Variants in CDH17 observed in about 807,000 individuals in gnomAD.
CDH17 encodes cadherin-17.
CDH17 carries 67 observed loss-of-function variants against 86.3 expected under a neutral mutation model. That is an observed-to-expected ratio of 0.78 (90% CI 0.64 to 0.95). The LOEUF (loss-of-function observed/expected upper bound fraction) is 0.95, where lower values mean the gene tolerates loss of function less well. Ranked by LOEUF, CDH17 falls within the 40% of genes least tolerant of loss-of-function variation. The pLI is 0.00. For missense variants in CDH17, 993 were observed against 1,017.6 expected (o/e 0.98, Z 0.33); for synonymous variants, 367 against 366.4 (o/e 1.00, Z -0.02).
chr8:94,173,674 T>A, intron 7 of CDH17, 123 bp downstream of exon 7: 1 of 786,706 alleles, frequency 1.3e-6, no homozygotes, highest in South Asian at 1.6e-5. Context: ...ATAATTTGCT[T>A]TATAATCATG....
At chr8:94,168,106 AT>A (rs1253826474) in intron 9 of CDH17, among the ~76,000 whole-genome samples, 1 of 7,482 alleles carries the variant, frequency 1.3e-4, no homozygotes, top group African/African-American at 3.9e-4. Flanking sequence ...GAATATATAT[AT>A]ATATATATAT....
At chr8:94,137,145 T>A (rs2446811) in intron 15 of CDH17, among the ~76,000 whole-genome samples, 1 of 152,074 alleles carries the variant, frequency 6.6e-6, no homozygotes, top group Admixed American at 6.5e-5. Flanking sequence ...AGGTGAAATG[T>A]CATGCTGGGA....
In CDH17 at chr8:94,171,725, T is replaced by C. The variant is rs970629099; in HGVS notation, c.784-740A>G. 6.6e-5 allele frequency among the ~76,000 whole-genome samples: 10 copies of C among 152,300 alleles called. No homozygotes were observed. The East Asian group carries it at 1.2e-3, about 18-fold the overall frequency. On this transcript the variant is annotated intron_variant, in intron 7 of 17. Coordinates refer to ENST00000027335, the MANE Select transcript of CDH17 (RefSeq NM_004063.4). The stretch of plus-strand genomic sequence containing the variant: ...TCCTCTGACGTACAGACTACTGTTA[T>C]CTCTATTTTATAATGAAGAAACTAG...
At chr8:94,204,038 C>T (rs2086511) in intron 1 of CDH17, among the ~76,000 whole-genome samples, 21,820 of 152,038 alleles carry the variant, frequency 0.14, 1,776 homozygotes, top group Non-Finnish European at 0.17. Context: ...CTAAATGGTC[C>T]CCTGGAGAAC....
chr8:94,142,939 T>C (rs1249368982), intron 15 of CDH17, among the ~76,000 whole-genome samples: 2 of 152,036 alleles, frequency 1.3e-5, no homozygotes, highest in East Asian at 1.9e-4. Flanking sequence ...TCCATGAGGG[T>C]TGGAATCAAT....
intron 14 of CDH17, among the ~76,000 whole-genome samples, 193 bp downstream of exon 14, chr8:94,148,551 A>G (rs1318004298): frequency 2.9e-5 from 4 of 139,762 alleles, no homozygotes; most frequent in African/African-American, 1.2e-4. Context: ...CAAAAAAAAA[A>G]AAAAAAAAAA....
rs1812335803 is a variant in CDH17, at chr8:94,128,075, A to G, written c.*165T>C. On this transcript the variant is annotated 3_prime_UTR_variant, in exon 18 of 18. Transcript: ENST00000027335. ...ACCACTGTACTCCAGCCTGGGCGACAGAGCAAGACTCCACCTCAAAAAAGA... is the reference window on the plus strand; with the variant it reads ...ACCACTGTACTCCAGCCTGGGCGACGGAGCAAGACTCCACCTCAAAAAAGA... The G allele has an allele frequency of 3.5e-6, 2 of 578,836 alleles. No individual in the cohort carries two copies. Among genetic ancestry groups the G allele is most frequent in the Non-Finnish European group, 6.1e-6 (2 of 327,624 alleles). 35.9% of individuals were successfully genotyped at this position (578,836 alleles called of 1,614,324 possible).
intron 15 of CDH17, among the ~76,000 whole-genome samples, chr8:94,140,289 G>A (rs113713654): frequency 0.024 from 3,455 of 144,374 alleles, 123 homozygotes; most frequent in African/African-American, 0.08. Context: ...AATTAGCCAA[G>A]TGTGGTAGCT....
At chr8:94,201,422 G>A (rs1314635354) in intron 1 of CDH17, among the ~76,000 whole-genome samples, 3 of 152,172 alleles carry the variant, frequency 2.0e-5, no homozygotes, top group Admixed American at 1.3e-4. Flanking sequence ...TTGTTAGAGT[G>A]GGCTCTAATC....
At chr8:94,187,267 C>T (rs967814358) in intron 3 of CDH17, among the ~76,000 whole-genome samples, 3 of 152,298 alleles carry the variant, frequency 2.0e-5, no homozygotes, top group Middle Eastern at 3.4e-3. Flanking sequence ...AAAAATCAGT[C>T]ACTCTTTCTT....
At chr8:94,197,843 A>G (rs200823102) in intron 1 of CDH17, among the ~76,000 whole-genome samples, 4,289 of 150,450 alleles carry the variant, frequency 0.029, 177 homozygotes, top group African/African-American at 0.085. Flanking sequence ...AAAAAAAAAA[A>G]AAAAAGAAAA....
rs148714244 is a variant in CDH17 at position 94,146,079 on chromosome 8, C to A, written c.2016G>T (p.Thr672=). ...DNPPRLAKDY[T]GLFFCHPLSA... is the part of the protein sequence containing the mutation. ...TGAGGGGATGGCAGAAGAACAAGCC[C>A]GTGTAGTCCTTGGCTAGCCTGGGAG... is the stretch of plus-strand genomic sequence containing the variant. Residue 672 remains threonine (T), a synonymous_variant, in exon 15 of 18, where the codon ACG becomes ACT. Coordinates refer to ENST00000027335, the MANE Select transcript of CDH17 (RefSeq NM_004063.4). 2 of 1,613,466 alleles carry A rather than the reference C, an allele frequency of 1.2e-6. No individual in the cohort carries two copies. Among genetic ancestry groups the A allele is most frequent in the East Asian group, 4.5e-5 (2 of 44,824 alleles).
intron 11 of CDH17, 114 bp downstream of exon 11, chr8:94,161,972 G>T (rs1027230605): frequency 1.2e-4 from 81 of 669,964 alleles, no homozygotes; most frequent in African/African-American, 7.8e-4. Flanking sequence ...ACTGACCAAG[G>T]TTACCTGTTA....
chr8:94,128,636 G>A (rs536947721), intron 17 of CDH17, among the ~76,000 whole-genome samples: 2 of 152,296 alleles, frequency 1.3e-5, no homozygotes, highest in South Asian at 4.2e-4. Context: ...ACACTATGGA[G>A]TGTATATGTC....
chr8:94,184,318 A>G (rs1322952281), intron 3 of CDH17, among the ~76,000 whole-genome samples: 1 of 152,162 alleles, frequency 6.6e-6, no homozygotes, highest in Non-Finnish European at 1.5e-5. Flanking sequence ...CCATAAATGA[A>G]AAAAAATGTC....
chr8:94,145,823 G>C (rs1222927911), intron 15 of CDH17, 105 bp downstream of exon 15: 9 of 1,232,388 alleles, frequency 7.3e-6, no homozygotes, highest in Admixed American at 2.3e-5. Context: ...CCTTCCTGAA[G>C]CATGAAAGAA....
rs535855259 is a variant in CDH17, at chr8:94,159,558, C to T, written c.1551+413G>A. On this transcript the variant is annotated intron_variant, in intron 12 of 17. Coordinates refer to ENST00000027335, the MANE Select transcript of CDH17 (RefSeq NM_004063.4). ...CGAGACCCTGAGTGCCACTCCCAGACCGTAAGAGTGTTGCGAGATTTAGCA... is the reference window on the plus strand; with the variant it reads ...CGAGACCCTGAGTGCCACTCCCAGATCGTAAGAGTGTTGCGAGATTTAGCA... 1.2e-4 allele frequency among the ~76,000 whole-genome samples: 19 copies of T among 152,182 alleles called. No individual in the cohort carries two copies. In the South Asian group the frequency reaches 1.5e-3, roughly 12 times the overall value.
At chr8:94,165,100 C>G (rs1250183813) in intron 10 of CDH17, among the ~76,000 whole-genome samples, 2 of 152,138 alleles carry the variant, frequency 1.3e-5, no homozygotes, top group African/African-American at 4.8e-5. Context: ...AAATACAATT[C>G]ATTTTCCTGT....
At chr8:94,161,883 T>C (rs1352835590) in intron 11 of CDH17, among the ~76,000 whole-genome samples, 1 of 152,194 alleles carries the variant, frequency 6.6e-6, no homozygotes, top group Admixed American at 6.5e-5. Flanking sequence ...TATAAATGAA[T>C]GTTCCCAGAC....
Sources: gnomAD v4.1 joint callset for allele counts (sites outside exome capture counted in the v4.1 genomes callset) on GRCh38, gnomAD v4.1.1 for gene constraint, MANE v1.5 for transcripts, NCBI Gene and HGNC (gene_info 2026-07-23, HGNC 2026-07-21) for gene names.